Variants in GSE1 observed in about 807,000 individuals in gnomAD.
The protein encoded by GSE1 is genetic suppressor element 1.
In GSE1, 32 loss-of-function variants were observed where a neutral mutation model predicts 112.6. That is an observed-to-expected ratio of 0.28 (90% CI 0.21 to 0.38). GSE1 has a LOEUF of 0.38. Ranked by LOEUF, GSE1 falls within the 10% of genes least tolerant of loss-of-function variation. GSE1 has a pLI of 1.00. For missense variants in GSE1, 2,348 were observed against 1,699.2 expected, an observed-to-expected ratio of 1.38 and a Z score of -6.71; for synonymous variants, 1,115 against 735.6, an observed-to-expected ratio of 1.52 and a Z score of -8.35.
chr16:85,266,670 G>A (rs920884356), intron 1 of GSE1, among the ~76,000 whole-genome samples: 18 of 152,052 alleles, frequency 1.2e-4, no homozygotes, highest in African/African-American at 4.3e-4. Flanking sequence ...AGGGAGGGAA[G>A]GGGTGGTTTG....
At chr16:85,646,980 C>T (rs949662863) in intron 2 of GSE1, among the ~76,000 whole-genome samples, 2 of 152,146 alleles carry the variant, frequency 1.3e-5, no homozygotes, top group Admixed American at 6.5e-5. Context: ...ACACCCCCTA[C>T]CCCTGCCACC....
intron 1 of GSE1, among the ~76,000 whole-genome samples, chr16:85,260,537 A>G (rs1410741071): frequency 6.6e-6 from 1 of 152,004 alleles, no homozygotes; most frequent in African/African-American, 2.4e-5. Context: ...TGGCCAGGCT[A>G]GTCTCGAACT....
At chr16:85,386,671 G>C (rs985042651) in intron 2 of GSE1, among the ~76,000 whole-genome samples, 1 of 152,218 alleles carries the variant, frequency 6.6e-6, no homozygotes, top group Non-Finnish European at 1.5e-5. Flanking sequence ...TGTTCAGCAC[G>C]ATTGTGCGTG....
At chr16:85,193,961 GTGTGTGTGCGCGCGCGTGTT>G (rs1226906662) in intron 1 of GSE1, among the ~76,000 whole-genome samples, 2 of 152,146 alleles carry the variant, frequency 1.3e-5, no homozygotes, top group Non-Finnish European at 2.9e-5. Flanking sequence ...GCACTTGTGT[GTGTGTGTGCGCGCGCGTGTT>G]TGTGTGTGCG....
At chr16:85,400,536 G>A (rs560699594) in intron 2 of GSE1, among the ~76,000 whole-genome samples, 2 of 151,158 alleles carry the variant, frequency 1.3e-5, no homozygotes, top group African/African-American at 4.9e-5. Context: ...TGTGTGTTTT[G>A]TATGTCTGTG....
intron 1 of GSE1, among the ~76,000 whole-genome samples, chr16:85,261,851 C>T (rs929256766): frequency 6.6e-6 from 1 of 152,172 alleles, no homozygotes; most frequent in Non-Finnish European, 1.5e-5. Context: ...AGCAGTGGGG[C>T]GTATCAGCAC....
chr16:85,646,156 A>C (rs1350325430), intron 2 of GSE1, among the ~76,000 whole-genome samples: 2 of 101,624 alleles, frequency 2.0e-5, no homozygotes, highest in Non-Finnish European at 3.9e-5. Context: ...ACCTGCTTCT[A>C]CCACGCTTCC....
chr16:85,654,780 A>G lies in GSE1; in HGVS notation c.600-14A>G, dbSNP rs375426475. 1.4e-4 allele frequency: 226 copies of G among 1,590,384 alleles called. No individual in the cohort carries two copies. The African/African-American group carries it at 2.8e-3, about 20-fold the overall frequency. On this transcript the variant is annotated splice_polypyrimidine_tract_variant and intron_variant, in intron 4 of 15. Coordinates refer to ENST00000253458, the MANE Select transcript of GSE1 (RefSeq NM_014615.5). ...CTCACCTGTCCCCACCTTGCCCACT[A>G]TCCCCGCCTGCAGCCTCCAGCGGCC... is the stretch of plus-strand genomic sequence containing the variant.
intron 2 of GSE1, among the ~76,000 whole-genome samples, chr16:85,527,131 A>T (rs996150086): frequency 2.6e-5 from 4 of 152,234 alleles, no homozygotes; most frequent in South Asian, 2.1e-4. Flanking sequence ...CTTCCTGAGC[A>T]GCGGCCTGAC....
chr16:85,225,135 A>AG (rs60623480), intron 1 of GSE1, among the ~76,000 whole-genome samples: 1 of 152,000 alleles, frequency 6.6e-6, no homozygotes, highest in Non-Finnish European at 1.5e-5. Flanking sequence ...AAAAAAAAAA[A>AG]GAAAGAAGTA....
chr16:85,611,155 C>A (rs2047953603), upstream of GSE1, among the ~76,000 whole-genome samples: 1 of 152,238 alleles, frequency 6.6e-6, no homozygotes, highest in Non-Finnish European at 1.5e-5. Context: ...TCCCCTCCCC[C>A]CGCAGCTTGT....
chr16:85,449,742 G>A (rs539619057), intron 2 of GSE1, among the ~76,000 whole-genome samples: 3 of 152,348 alleles, frequency 2.0e-5, no homozygotes, highest in South Asian at 2.1e-4. Flanking sequence ...GGTTTGGATC[G>A]CTGCTGTGTG....
chr16:85,219,595 C>T (rs913997098), intron 1 of GSE1, among the ~76,000 whole-genome samples: 1 of 152,246 alleles, frequency 6.6e-6, no homozygotes, highest in Non-Finnish European at 1.5e-5. Flanking sequence ...GACAAATGTT[C>T]TCATTCTGCT....
At chr16:85,325,118 G>A (rs2046198836) in intron 1 of GSE1, among the ~76,000 whole-genome samples, 1 of 152,094 alleles carries the variant, frequency 6.6e-6, no homozygotes, top group African/African-American at 2.4e-5. Context: ...ACAGGTGCAT[G>A]CCACCACACC....
At chr16:85,217,382 C>T (rs1271194480) in intron 1 of GSE1, among the ~76,000 whole-genome samples, 1 of 152,170 alleles carries the variant, frequency 6.6e-6, no homozygotes, top group Non-Finnish European at 1.5e-5. Context: ...AAGAAGCCGC[C>T]ACGCCTGGGA....
chr16:85,424,226 G>A (rs905595054), intron 2 of GSE1, among the ~76,000 whole-genome samples: 1 of 152,290 alleles, frequency 6.6e-6, no homozygotes, highest in Non-Finnish European at 1.5e-5. Flanking sequence ...TCACAGGACT[G>A]GGATGGAACA....
intron 1 of GSE1, among the ~76,000 whole-genome samples, chr16:85,304,915 G>C (rs891680779): frequency 6.6e-6 from 1 of 152,144 alleles, no homozygotes; most frequent in African/African-American, 2.4e-5. Flanking sequence ...AATGAAGATA[G>C]CCCAGCACTG....
At chr16:85,647,679 C>T (rs1019803137) in intron 2 of GSE1, among the ~76,000 whole-genome samples, 3 of 152,122 alleles carry the variant, frequency 2.0e-5, no homozygotes, top group Non-Finnish European at 2.9e-5. Context: ...CTCCGCCTCC[C>T]GGGTTCAAGC....
At chr16:85,214,135 C>T (rs911771217) in intron 1 of GSE1, among the ~76,000 whole-genome samples, 1 of 152,174 alleles carries the variant, frequency 6.6e-6, no homozygotes, top group Non-Finnish European at 1.5e-5. Flanking sequence ...TGTCGGGTTC[C>T]GAGACTGGCG....
Sources: gnomAD v4.1 joint callset for allele counts (sites outside exome capture counted in the v4.1 genomes callset) on GRCh38, gnomAD v4.1.1 for gene constraint, MANE v1.5 for transcripts, NCBI Gene and HGNC (gene_info 2026-07-23, HGNC 2026-07-21) for gene names.